The following LRRTM4 variants were observed in gnomAD, a reference collection of about 807,000 sequenced individuals.
LRRTM4 encodes leucine-rich repeat transmembrane neuronal protein 4.
LRRTM4 carries 25 observed loss-of-function variants against 47.6 expected under a neutral mutation model. The ratio of observed to expected loss-of-function variants is 0.53; its 90% CI spans 0.38 to 0.73. The LOEUF is 0.73. Ranked by LOEUF, LRRTM4 falls within the 30% of genes least tolerant of loss-of-function variation. The pLI is 0.00. For synonymous variants in LRRTM4, 311 were observed against 269.5 expected (o/e 1.15, Z -1.51); for missense variants, 638 against 713.4 (o/e 0.89, Z 1.20).
intron 3 of LRRTM4, among the ~76,000 whole-genome samples, chr2:77,133,674 ATAACT>A (rs1411024743): frequency 6.6e-6 from 1 of 152,210 alleles, no homozygotes; most frequent in African/African-American, 2.4e-5. Flanking sequence ...GATGAAATAA[ATAACT>A]TATCTGCATG....
At chr2:77,434,951 A>G (rs1347930869) in intron 3 of LRRTM4, among the ~76,000 whole-genome samples, 4 of 151,934 alleles carry the variant, frequency 2.6e-5, no homozygotes, top group African/African-American at 9.7e-5. Context: ...ACTTTAGAGG[A>G]CCTAGTCATC....
intron 3 of LRRTM4, among the ~76,000 whole-genome samples, chr2:76,998,758 C>G (rs1453928837): frequency 6.8e-6 from 1 of 147,844 alleles, no homozygotes; most frequent in African/African-American, 2.5e-5. Context: ...AGTTTTTCCT[C>G]TATATTTTCT....
intron 3 of LRRTM4, among the ~76,000 whole-genome samples, chr2:77,347,056 A>G (rs564592082): frequency 6.6e-6 from 1 of 152,286 alleles, no homozygotes; most frequent in South Asian, 2.1e-4. Flanking sequence ...AGGGTGGCCA[A>G]AGAAGCAAAG....
intron 3 of LRRTM4, among the ~76,000 whole-genome samples, chr2:77,453,176 A>ATTTTTTTTTTTTTTTTTTTTTTTTAT (rs1162461607): frequency 1.0e-5 from 1 of 99,506 alleles, no homozygotes; most frequent in Non-Finnish European, 2.0e-5. Flanking sequence ...TTTCTTCTTG[A>ATTTTTTTTTTTTTTTTTTTTTTTTAT]TTTTTTTTTT....
intron 3 of LRRTM4, among the ~76,000 whole-genome samples, chr2:76,828,530 T>G (rs1194251569): frequency 2.0e-5 from 3 of 151,932 alleles, no homozygotes; most frequent in Non-Finnish European, 4.4e-5. Context: ...TGCTGCCCTT[T>G]GAGAAAGGAT....
intron 3 of LRRTM4, among the ~76,000 whole-genome samples, chr2:76,998,099 C>G (rs1046902208): frequency 9.2e-5 from 14 of 152,054 alleles, no homozygotes; most frequent in Admixed American, 8.5e-4. Flanking sequence ...ATAAATTGCA[C>G]AATACATGTA....
chr2:77,103,647 G>GTGTATATATATATA (rs1553389655), intron 3 of LRRTM4, among the ~76,000 whole-genome samples: 1 of 124,118 alleles, frequency 8.1e-6, no homozygotes, highest in African/African-American at 3.3e-5. Flanking sequence ...ATACATGAGT[G>GTGTATATATATATA]TATATATATA....
chr2:77,024,312 C>A (rs907758612), intron 3 of LRRTM4, among the ~76,000 whole-genome samples: 4 of 151,994 alleles, frequency 2.6e-5, no homozygotes, highest in Admixed American at 2.6e-4. Context: ...TTTTAGATTC[C>A]ACATGTAAGT....
At chr2:77,291,561 A>T (rs1676822693) in intron 3 of LRRTM4, among the ~76,000 whole-genome samples, 2 of 152,142 alleles carry the variant, frequency 1.3e-5, no homozygotes, top group Non-Finnish European at 2.9e-5. Context: ...AACAGCATTC[A>T]CATACAAATA....
intron 3 of LRRTM4, among the ~76,000 whole-genome samples, chr2:77,208,942 T>C (rs909051524): frequency 1.3e-5 from 2 of 152,300 alleles, no homozygotes; most frequent in Non-Finnish European, 1.5e-5. Context: ...TTTAGACATA[T>C]AAGTAATTCT....
intron 3 of LRRTM4, among the ~76,000 whole-genome samples, chr2:76,811,092 C>G (rs2103819679): frequency 6.6e-6 from 1 of 152,270 alleles, no homozygotes; most frequent in South Asian, 2.1e-4. Flanking sequence ...CCACCCTGTG[C>G]AGCACCACAC....
At chr2:77,451,291 T>A (rs1444061564) in intron 3 of LRRTM4, among the ~76,000 whole-genome samples, 1 of 152,190 alleles carries the variant, frequency 6.6e-6, no homozygotes, top group Non-Finnish European at 1.5e-5. Context: ...ATGTTATATA[T>A]TTTTTAATTT....
intron 3 of LRRTM4, among the ~76,000 whole-genome samples, chr2:76,991,975 T>C (rs1677025150): frequency 6.6e-6 from 1 of 151,832 alleles, no homozygotes; most frequent in African/African-American, 2.4e-5. Flanking sequence ...TTAAGATTGA[T>C]TAAACATGCA....
chr2:77,225,747 T>G (rs1426618734), intron 3 of LRRTM4, among the ~76,000 whole-genome samples: 1 of 152,120 alleles, frequency 6.6e-6, no homozygotes, highest in Non-Finnish European at 1.5e-5. Flanking sequence ...TTAAATAGCT[T>G]AAATTTACCT....
At chr2:77,241,177 A>G (rs937153599) in intron 3 of LRRTM4, among the ~76,000 whole-genome samples, 4 of 151,510 alleles carry the variant, frequency 2.6e-5, no homozygotes, top group Non-Finnish European at 5.9e-5. Flanking sequence ...CAATAAAGCT[A>G]GAGTAAACAA....
Position 76,748,217 on chromosome 2 carries a change from GA to G in LRRTM4, c.*477del, listed in dbSNP as rs1201743067. On this transcript the variant is annotated 3_prime_UTR_variant, in exon 4 of 4. Transcript: ENST00000409884. Reference sequence around the variant, plus strand: ...AACAAGAACAAACAGCATTTTTAAAGAAAAAATAAATGAAAGCAATTTAAAT... The same window carrying G: ...AACAAGAACAAACAGCATTTTTAAAGAAAAATAAATGAAAGCAATTTAAAT... 1 of 153,552 alleles carries G rather than the reference GA, an allele frequency of 6.5e-6. No homozygotes were observed. Among genetic ancestry groups the G allele is most frequent in the Non-Finnish European group, 1.4e-5 (1 of 69,104 alleles). The allele number at this position is 153,552 out of a possible 1,614,324, so 9.5% of individuals were successfully genotyped here.
chr2:76,985,710 ATGCTT>A, intron 3 of LRRTM4, among the ~76,000 whole-genome samples: 1 of 152,118 alleles, frequency 6.6e-6, no homozygotes, highest in South Asian at 2.1e-4. Context: ...ATAAAATCTA[ATGCTT>A]TAAAAACACA....
At chr2:76,767,246 ACAT>A (rs937688395) in intron 3 of LRRTM4, among the ~76,000 whole-genome samples, 3 of 152,204 alleles carry the variant, frequency 2.0e-5, no homozygotes, top group Non-Finnish European at 2.9e-5. Context: ...TGGACGTTTA[ACAT>A]CATCTTAATT....
At chr2:76,765,412 A>T (rs902419477) in intron 3 of LRRTM4, among the ~76,000 whole-genome samples, 1 of 152,184 alleles carries the variant, frequency 6.6e-6, no homozygotes, top group Non-Finnish European at 1.5e-5. Context: ...AACAGAACGT[A>T]AAGTTTTGGG....
Sources: allele counts gnomAD v4.1 joint callset (sites outside exome capture counted in the v4.1 genomes callset), GRCh38; gene constraint gnomAD v4.1.1; transcripts MANE v1.5; gene names NCBI Gene and HGNC (gene_info 2026-07-23, HGNC 2026-07-21).